Variants in ITPKB observed in about 807,000 individuals in gnomAD.
The protein encoded by ITPKB is inositol-trisphosphate 3-kinase B, also known as IP3 3-kinase B.
Under a neutral mutation model 69.4 loss-of-function variants are expected in ITPKB, and 13 were observed. The observed-to-expected ratio is 0.19, with a 90% confidence interval of 0.12 to 0.30. The LOEUF (loss-of-function observed/expected upper bound fraction) is 0.30. Ranked by LOEUF, ITPKB falls within the 10% of genes least tolerant of loss-of-function variation. The probability of loss-of-function intolerance (pLI) is 1.00; values close to 1 mark genes in which losing one functional copy is unlikely to be tolerated. For missense variants in ITPKB, 1,240 were observed against 1,250.5 expected, an observed-to-expected ratio of 0.99 and a Z score of 0.13; for synonymous variants, 584 against 513.7, an observed-to-expected ratio of 1.14 and a Z score of -1.85.
chr1:226,642,384 G>A lies in ITPKB; in HGVS notation c.2247-259C>T, dbSNP rs1281062003. ...GGAGTCTCGCTATGTTGCCCCGGCT[G>A]GTCTCAAACTTCTAGCCTCAAGTGA... On this transcript the variant is annotated intron_variant, in intron 4 of 7. Transcript: ENST00000429204. This position sits in a 1 kb window ranked among gnomAD's most constrained non-coding sequence, Gnocchi z 6.4. Among the ~76,000 whole-genome samples the A allele has an allele frequency of 6.6e-6, 1 of 151,888 alleles. No homozygotes were observed. The highest frequency in any genetic ancestry group is 1.9e-4 in the East Asian group (1 of 5,166).
At chr1:226,697,536 G>A (rs1007387202) in intron 2 of ITPKB, among the ~76,000 whole-genome samples, 6 of 152,192 alleles carry the variant, frequency 3.9e-5, no homozygotes, top group Non-Finnish European at 4.4e-5. Flanking sequence ...CTCTTTGTGC[G>A]TGATTCTCCA....
chr1:226,635,725 C>A (rs1200811026), intron 7 of ITPKB, among the ~76,000 whole-genome samples: 1 of 152,238 alleles, frequency 6.6e-6, no homozygotes, highest in Non-Finnish European at 1.5e-5. Context: ...AGCAGCACAA[C>A]CCCTGCAGAT....
rs548487915 is a variant in ITPKB at position 226,642,546 on chromosome 1, G to A, written c.2247-421C>T. Among the ~76,000 whole-genome samples, 3 of 152,052 alleles carry A rather than the reference G, an allele frequency of 2.0e-5. No homozygotes were observed. The highest frequency in any genetic ancestry group is 2.1e-4 in the South Asian group (1 of 4,810). ...CCTTCACTTTCACTCCAAGCCCATC[G>A]GCTGGCCTCACAAAGCCCAAGGAGC... On this transcript the variant is annotated intron_variant, in intron 4 of 7. Transcript: ENST00000429204. This position sits in a 1 kb window ranked among gnomAD's most constrained non-coding sequence, Gnocchi z 6.4.
intron 2 of ITPKB, among the ~76,000 whole-genome samples, chr1:226,733,004 T>C (rs780427777): frequency 2.0e-5 from 3 of 152,082 alleles, no homozygotes; most frequent in Non-Finnish European, 4.4e-5. Context: ...TGTGGGAAGG[T>C]AGGGCAGCAC....
chr1:226,735,832 G>T lies in ITPKB; in HGVS notation c.1627C>A (p.Pro543Thr). ...ESQRQDSDAL[P>T]SPELLPQDPD... ...TCTTGGGGTAGCAGCTCCGGACTTG[G>T]GAGGGCATCACTGTCCTGCCGCTGG... The change falls in exon 2 of 8, where the codon CCA becomes ACA. Residue 543 changes from proline (P) to threonine (T), a missense_variant. By Grantham distance (38) the Pro-to-Thr change is conservative (BLOSUM62 -1). Around this residue, in one of 2 missense-constraint regions of ITPKB, gnomAD observed 992 missense variants for 853.8 expected, o/e 1.16. Transcript: ENST00000429204. 1 of 1,608,852 alleles carries T rather than the reference G, an allele frequency of 6.2e-7. No homozygotes were observed. The highest frequency in any genetic ancestry group is 8.5e-7 in the Non-Finnish European group (1 of 1,175,910).
chr1:226,649,311 GCATA>G lies in ITPKB; in HGVS notation c.1933-544_1933-541del, dbSNP rs1310881591. 4.8e-5 allele frequency among the ~76,000 whole-genome samples: 7 copies of G among 147,368 alleles called. No individual in the cohort carries two copies. In the East Asian group the frequency reaches 5.9e-4, roughly 12 times the overall value. On this transcript the variant is annotated intron_variant, in intron 2 of 7. Transcript: ENST00000429204. ...TGTGCGTGTGTGTGCATGTGTGTGT[GCATA>G]TGTGTGCATGAGTGTGTGCGTATGT... is the stretch of plus-strand genomic sequence containing the variant.
intron 2 of ITPKB, among the ~76,000 whole-genome samples, chr1:226,659,937 C>A (rs1218649837): frequency 6.6e-6 from 1 of 152,170 alleles, no homozygotes; most frequent in Admixed American, 6.5e-5. Flanking sequence ...TGCTAAGGGC[C>A]CAGGCCTGGA....
Position 226,637,712 on chromosome 1 carries a change from A to G in ITPKB, c.2592T>C (p.Thr864=). ...YRDRLKAIRT[T]LEVSPFFKCH... ...ACTTGAAGAAGGGAGAAACTTCTAG[A>G]GTGGTTCGAATGGCCTTCAGCCGGT... Residue 864 remains threonine (T), a synonymous_variant, in exon 7 of 8, where the codon ACT becomes ACC. Transcript: ENST00000429204. The surrounding 1 kb of genome is among the most constrained non-coding windows in gnomAD (Gnocchi z 4.3). The G allele has an allele frequency of 6.2e-7, 1 of 1,614,094 alleles. No individual in the cohort carries two copies. The highest frequency in any genetic ancestry group is 8.5e-7 in the Non-Finnish European group (1 of 1,179,938).
chr1:226,726,793 A>G (rs990575762), intron 2 of ITPKB, among the ~76,000 whole-genome samples: 1 of 152,104 alleles, frequency 6.6e-6, no homozygotes, highest in African/African-American at 2.4e-5. Flanking sequence ...TTTAATCCAT[A>G]AGGTTTTTTT....
At chr1:226,647,107 T>C (rs1299542649) in intron 4 of ITPKB, 60 bp downstream of exon 4, 1 of 1,510,780 alleles carries the variant, frequency 6.6e-7, no homozygotes, top group African/African-American at 1.4e-5. Flanking sequence ...TGCCACGCTG[T>C]GCACCTGCCA....
At position 226,736,429 on chromosome 1, in the gene ITPKB, C is replaced by G. The variant is rs1273534455; in HGVS notation, c.1030G>C (p.Glu344Gln). 3 of 1,613,072 alleles carry G rather than the reference C, an allele frequency of 1.9e-6. No homozygotes were observed. Among genetic ancestry groups the G allele is most frequent in the Non-Finnish European group, 2.5e-6 (3 of 1,180,006 alleles). Reference protein sequence around the residue: ...EDLQPPEALVERQGQFLGSET... With the variant: ...EDLQPPEALVQRQGQFLGSET... Reference sequence around the variant, plus strand: ...CTGCCCAGAAACTGCCCCTGCCTCTCCACCAGGGCCTCTGGGGGCTGCAGG... The same window carrying G: ...CTGCCCAGAAACTGCCCCTGCCTCTGCACCAGGGCCTCTGGGGGCTGCAGG... The change falls in exon 2 of 8, where the codon GAG (glutamate) becomes CAG (glutamine). Residue 344 changes from glutamate (E) to glutamine (Q), a missense_variant. Around this residue, in one of 2 missense-constraint regions of ITPKB, gnomAD observed 992 missense variants for 853.8 expected, o/e 1.16. Transcript: ENST00000429204.
chr1:226,647,127 C>G, intron 4 of ITPKB, 40 bp downstream of exon 4: 2 of 1,584,332 alleles, frequency 1.3e-6, no homozygotes, highest in Non-Finnish European at 1.7e-6. Context: ...ATGTGGCTTG[C>G]ACTGAGGCAG....
At chr1:226,701,037 C>T (rs944957807) in intron 2 of ITPKB, among the ~76,000 whole-genome samples, 2 of 152,202 alleles carry the variant, frequency 1.3e-5, no homozygotes, top group African/African-American at 2.4e-5. Context: ...TTTCTATAGA[C>T]GTGGACAAGA....
chr1:226,722,187 T>A (rs1657263917), intron 2 of ITPKB, among the ~76,000 whole-genome samples: 1 of 152,214 alleles, frequency 6.6e-6, no homozygotes, highest in Non-Finnish European at 1.5e-5. Context: ...GAGGCCAGGC[T>A]CAAGGTTCCT....
At position 226,648,739 on chromosome 1, in the gene ITPKB, C is replaced by T. The variant is rs763931949; in HGVS notation, c.1965G>A (p.Val655=). 8.7e-6 allele frequency: 14 copies of T among 1,612,552 alleles called. No homozygotes were observed. The South Asian group carries it at 1.5e-4, about 18-fold the overall frequency. The change falls in exon 3 of 8, where the codon GTG becomes GTA. Residue 655 remains valine, a synonymous_variant. Coordinates refer to ENST00000429204, the MANE Select transcript of ITPKB (RefSeq NM_002221.4). ...AGGACATGACGAAGGGAGACCAGTG[C>T]ACCATGTTTTTTATCTTCCTCCATG... ...SKSWRKIKNM[V]HWSPFVMSFK...
intron 2 of ITPKB, among the ~76,000 whole-genome samples, chr1:226,704,885 C>T (rs1199175110): frequency 6.6e-6 from 1 of 151,934 alleles, no homozygotes; most frequent in Non-Finnish European, 1.5e-5. Context: ...GTGGAACAAA[C>T]TCCTCATAAA....
intron 4 of ITPKB, among the ~76,000 whole-genome samples, chr1:226,644,150 C>T (rs1019976416): frequency 6.6e-6 from 1 of 152,220 alleles, no homozygotes; most frequent in Non-Finnish European, 1.5e-5. Flanking sequence ...CCAAAAAGGG[C>T]CCCCGTGGCT....
intron 2 of ITPKB, among the ~76,000 whole-genome samples, chr1:226,690,410 A>G (rs1018587991): frequency 1.3e-5 from 2 of 152,184 alleles, no homozygotes; most frequent in South Asian, 2.1e-4. Context: ...CAACAAAGAA[A>G]TTCTGAGACT....
rs1398316118 is a variant in ITPKB, at chr1:226,632,442, G to C, written c.*2229C>G. The C allele has an allele frequency of 6.6e-6, 1 of 152,112 alleles. No individual in the cohort carries two copies. The highest frequency in any genetic ancestry group is 1.9e-4 in the East Asian group (1 of 5,190). The allele number at this position is 152,112 out of a possible 1,614,324, so 9.4% of individuals were successfully genotyped here. ...GACAAAGGGAAGGGCCAGATGGCAG[G>C]GAAGCGAGTGGCAAAATGGCTTGAG... is the stretch of plus-strand genomic sequence containing the variant. On this transcript the variant is annotated 3_prime_UTR_variant, in exon 8 of 8. Transcript: ENST00000429204.
Sources: allele counts gnomAD v4.1 joint callset (sites outside exome capture counted in the v4.1 genomes callset), GRCh38; gene constraint gnomAD v4.1.1; regional missense constraint gnomAD v4.1.1; non-coding constraint Gnocchi (gnomAD v3.1); transcripts MANE v1.5; gene names NCBI Gene and HGNC (gene_info 2026-07-23, HGNC 2026-07-21).